The following MYO16 variants were observed in gnomAD, a reference collection of about 807,000 sequenced individuals.
The protein encoded by MYO16 is myosin XVI.
In MYO16, 94 loss-of-function variants were observed where a neutral mutation model predicts 205.3. The observed-to-expected ratio is 0.46, with a 90% CI of 0.39 to 0.54. The LOEUF is 0.54. Ranked by LOEUF, MYO16 falls within the 20% of genes least tolerant of loss-of-function variation. The pLI is 0.00. For synonymous variants in MYO16, 988 were observed against 954.0 expected (o/e 1.04, Z -0.66); for missense variants, 2,315 against 2,387.5 (o/e 0.97, Z 0.63).
intron 1 of MYO16, among the ~76,000 whole-genome samples, chr13:108,611,808 T>G (rs1879180090): frequency 1.3e-5 from 2 of 152,060 alleles, no homozygotes; most frequent in African/African-American, 2.4e-5. Context: ...AAAAATGGAA[T>G]TGAAGCTATG....
intron 5 of MYO16, among the ~76,000 whole-genome samples, chr13:108,786,864 G>A (rs1886473265): frequency 6.6e-6 from 1 of 152,170 alleles, no homozygotes; most frequent in Admixed American, 6.5e-5. Context: ...GTCGTGCCTG[G>A]GCACTGTCAC....
intron 32 of MYO16, among the ~76,000 whole-genome samples, chr13:109,153,126 A>T (rs1019238437): frequency 4.6e-5 from 7 of 152,174 alleles, no homozygotes; most frequent in Non-Finnish European, 1.0e-4. Context: ...TACTCATGGT[A>T]TTCTGTTCTC....
chr13:109,191,585 G>A (rs1049446643), intron 34 of MYO16, among the ~76,000 whole-genome samples: 3 of 152,074 alleles, frequency 2.0e-5, no homozygotes, highest in Admixed American at 1.3e-4. Flanking sequence ...CAGTGCTGAC[G>A]TCAGGGCAGA....
chr13:109,177,584 C>T (rs1386146114), intron 33 of MYO16, among the ~76,000 whole-genome samples: 2 of 151,924 alleles, frequency 1.3e-5, no homozygotes, highest in Non-Finnish European at 2.9e-5. Flanking sequence ...AATGGAGCAA[C>T]CTTGGCTCAC....
chr13:109,156,172 G>T (rs1457234521), intron 32 of MYO16, among the ~76,000 whole-genome samples: 1 of 152,192 alleles, frequency 6.6e-6, no homozygotes, highest in Non-Finnish European at 1.5e-5. Context: ...TTTAACACAA[G>T]CTAGACGCCA....
At chr13:108,582,647 T>C in the MYO16 span, among the ~76,000 whole-genome samples, 1 of 152,148 alleles carries the variant, frequency 6.6e-6, no homozygotes, top group Non-Finnish European at 1.5e-5. Context: ...TAGGTGAAGA[T>C]TGAGTTGAAT....
rs555259247 is a variant in MYO16, at chr13:108,738,764, G to A, written c.507+11181G>A. 2.0e-5 allele frequency among the ~76,000 whole-genome samples: 3 copies of A among 152,242 alleles called. No homozygotes were observed. The South Asian group carries it at 6.2e-4, about 32-fold the overall frequency. ...TTAAAATCTCCCATTATTATTGTGTGCAAGTCTAAGTCTCTTTATAAGTCT... is the reference window on the plus strand; with the variant it reads ...TTAAAATCTCCCATTATTATTGTGTACAAGTCTAAGTCTCTTTATAAGTCT... On this transcript the variant is annotated intron_variant, in intron 4 of 34. Transcript: ENST00000457511.
At chr13:108,702,090 T>C (rs1182334937) in intron 2 of MYO16, among the ~76,000 whole-genome samples, 1 of 151,838 alleles carries the variant, frequency 6.6e-6, no homozygotes, top group Non-Finnish European at 1.5e-5. Context: ...CCAATGTACA[T>C]AATGGAGTCA....
At chr13:108,670,804 A>G (rs16972895) in intron 2 of MYO16, among the ~76,000 whole-genome samples, 1,992 of 152,220 alleles carry the variant, frequency 0.013, 38 homozygotes, top group African/African-American at 0.046. Context: ...CTTCCCAGAA[A>G]TTATTTCACA....
At chr13:108,668,718 C>T (rs190503477) in intron 2 of MYO16, among the ~76,000 whole-genome samples, 1 of 152,270 alleles carries the variant, frequency 6.6e-6, no homozygotes, top group African/African-American at 2.4e-5. Flanking sequence ...TCTTCTGCCT[C>T]CCTCTTGCAC....
At chr13:108,833,712 T>G (rs559991409) in intron 9 of MYO16, among the ~76,000 whole-genome samples, 1 of 152,214 alleles carries the variant, frequency 6.6e-6, no homozygotes, top group Non-Finnish European at 1.5e-5. Context: ...CAGGCACATT[T>G]TCTCTGCATG....
chr13:108,776,204 A>T (rs1463803602), intron 4 of MYO16, among the ~76,000 whole-genome samples: 1 of 152,154 alleles, frequency 6.6e-6, no homozygotes, highest in African/African-American at 2.4e-5. Flanking sequence ...TTTTCACAAC[A>T]GGGCATGGGA....
chr13:109,014,370 C>T (rs1006180382), intron 22 of MYO16, among the ~76,000 whole-genome samples: 3 of 152,114 alleles, frequency 2.0e-5, no homozygotes, highest in African/African-American at 4.8e-5. Context: ...TTACTGTAGC[C>T]TTGTAGTATA....
At chr13:109,182,512 G>A (rs557985665) in intron 34 of MYO16, among the ~76,000 whole-genome samples, 1 of 152,172 alleles carries the variant, frequency 6.6e-6, no homozygotes, top group Admixed American at 6.5e-5. Context: ...AGACCTTTTT[G>A]TCGAAGTTCA....
At chr13:109,197,916 G>A (rs540296661) in intron 34 of MYO16, among the ~76,000 whole-genome samples, 14 of 152,218 alleles carry the variant, frequency 9.2e-5, no homozygotes, top group Non-Finnish European at 1.8e-4. Flanking sequence ...GGAAACGTGC[G>A]CTGACTATTC....
At position 109,019,873 on chromosome 13, in the gene MYO16, C is replaced by T; in HGVS notation, c.2758C>T (p.His920Tyr). ...DGNGNVALKD[H>Y]GTAFTIMHYA... ...GAATGGGAATGTTGCCCTCAAAGACCACGGTACAGCCTTCACCATCATGCA... is the reference window on the plus strand; with the variant it reads ...GAATGGGAATGTTGCCCTCAAAGACTACGGTACAGCCTTCACCATCATGCA... Residue 920 changes from histidine to tyrosine, a missense_variant, in exon 23 of 35, where the codon CAC becomes TAC. Around this residue, in one of 3 missense-constraint regions of MYO16, gnomAD observed 1,213 missense variants for 1,274.4 expected, o/e 0.95. Transcript: ENST00000457511. 6.2e-7 allele frequency: 1 copy of T among 1,614,108 alleles called. No individual in the cohort carries two copies. Among genetic ancestry groups the T allele is most frequent in the Non-Finnish European group, 8.5e-7 (1 of 1,180,010 alleles).
chr13:109,155,238 T>C (rs1337404667), intron 32 of MYO16, among the ~76,000 whole-genome samples: 1 of 151,550 alleles, frequency 6.6e-6, no homozygotes, highest in Non-Finnish European at 1.5e-5. Flanking sequence ...GGCGGGGGGG[T>C]GGGTGACAAG....
chr13:109,147,153 G>A (rs2139822105), intron 32 of MYO16, among the ~76,000 whole-genome samples: 1 of 151,400 alleles, frequency 6.6e-6, no homozygotes, highest in South Asian at 2.1e-4. Context: ...GGGAACACTT[G>A]CAGACAGCCC....
Position 108,727,559 on chromosome 13 carries a change from T to A in MYO16, c.483T>A (p.Pro161=), listed in dbSNP as rs780940972. 1 of 1,613,298 alleles carries A rather than the reference T, an allele frequency of 6.2e-7. No homozygotes were observed. Among genetic ancestry groups the A allele is most frequent in the South Asian group, 1.1e-5 (1 of 90,792 alleles). The change falls in exon 4 of 35, where the codon CCT becomes CCA. Residue 161 remains proline (P), a synonymous_variant. Transcript: ENST00000457511. The part of the protein sequence containing the change: ...PMHIACACDN[P]DIVLLLVLAG... Reference sequence around the variant, plus strand: ...ACATTGCCTGTGCCTGCGATAACCCTGATATTGTCCTGCTTCTTGTATTAG... The same window carrying A: ...ACATTGCCTGTGCCTGCGATAACCCAGATATTGTCCTGCTTCTTGTATTAG...
Sources: allele counts gnomAD v4.1 joint callset (sites outside exome capture counted in the v4.1 genomes callset), GRCh38; gene constraint gnomAD v4.1.1; regional missense constraint gnomAD v4.1.1; transcripts MANE v1.5; gene names NCBI Gene and HGNC (gene_info 2026-07-23, HGNC 2026-07-21).